ZDHHC23: variants seen among roughly 807,000 people sequenced by gnomAD.
ZDHHC23 encodes the protein palmitoyltransferase ZDHHC23.
A neutral mutation model predicts 40.2 loss-of-function variants in ZDHHC23; 41 were observed. The observed-to-expected ratio is 1.02, with a 90% CI of 0.79 to 1.32. ZDHHC23 has a LOEUF of 1.32. ZDHHC23 is among the 40% of genes most tolerant of loss of function. The pLI is 0.00. For synonymous variants in ZDHHC23, 204 were observed against 210.2 expected (o/e 0.97, Z 0.26); for missense variants, 471 against 541.5 (o/e 0.87, Z 1.29).
intron 3 of ZDHHC23, among the ~76,000 whole-genome samples, chr3:113,954,790 G>A (rs1044780700): frequency 3.9e-5 from 6 of 152,208 alleles, no homozygotes; most frequent in Middle Eastern, 3.4e-3. Flanking sequence ...TAAACATAAA[G>A]CTCAAGAAAG....
the ZDHHC23 span, chr3:113,978,344 A>G: frequency 6.2e-7 from 1 of 1,612,880 alleles, no homozygotes; most frequent in Admixed American, 1.7e-5. Context: ...GGGGATGAAG[A>G]CAGAAATAAA....
downstream of ZDHHC23, among the ~76,000 whole-genome samples, chr3:113,968,049 G>A (rs1404729725): frequency 1.3e-5 from 2 of 152,118 alleles, no homozygotes; most frequent in Non-Finnish European, 2.9e-5. Context: ...GGGTGCTCAG[G>A]TTGATTCCAT....
chr3:113,961,020 G>T lies in ZDHHC23; in HGVS notation c.*2390G>T. On this transcript the variant is annotated 3_prime_UTR_variant, in exon 5 of 5. Transcript: ENST00000638807. ...CCTTTTATGATCTGGAACTATTTGA[G>T]GGGTTTCATTATAGGCCTTGGTTCT... 2.7e-6 allele frequency: 1 copy of T among 374,272 alleles called. No homozygotes were observed. The highest frequency in any genetic ancestry group is 4.6e-5 in the East Asian group (1 of 21,814). 23.2% of individuals were successfully genotyped at this position (374,272 alleles called of 1,614,324 possible).
chr3:113,961,560 G>A lies in ZDHHC23; in HGVS notation c.*2930G>A, dbSNP rs913398948. On this transcript the variant is annotated 3_prime_UTR_variant, in exon 5 of 5. Transcript: ENST00000638807. ...TGATGCTGCTAAAGTAAAGCCTTAAGTGTGTTTTTGGGACAACGTGCTGCT... is the reference window on the plus strand; with the variant it reads ...TGATGCTGCTAAAGTAAAGCCTTAAATGTGTTTTTGGGACAACGTGCTGCT... 3 of 152,642 alleles carry A rather than the reference G, an allele frequency of 2.0e-5. No homozygotes were observed. The highest frequency in any genetic ancestry group is 4.4e-5 in the Non-Finnish European group (3 of 68,044). The allele number at this position is 152,642 out of a possible 1,614,324, so 9.5% of individuals were successfully genotyped here. A position where few individuals can be genotyped will look rare whatever the true frequency, so the allele number is the denominator to read the frequency against.
the ZDHHC23 span, among the ~76,000 whole-genome samples, chr3:113,972,914 C>T: frequency 2.0e-5 from 3 of 152,130 alleles, no homozygotes; most frequent in South Asian, 4.1e-4. Flanking sequence ...CTTGGAATGT[C>T]TTTTTCTATC....
chr3:113,951,218 C>T (rs1166841099), intron 2 of ZDHHC23, among the ~76,000 whole-genome samples: 3 of 152,136 alleles, frequency 2.0e-5, no homozygotes, highest in Non-Finnish European at 4.4e-5. Context: ...AGTGGGGTCT[C>T]TCTGTAGTGG....
downstream of ZDHHC23, among the ~76,000 whole-genome samples, chr3:113,965,853 C>A (rs923389953): frequency 6.6e-6 from 1 of 152,122 alleles, no homozygotes; most frequent in African/African-American, 2.4e-5. Context: ...CCTTGGCCTC[C>A]CAAAGTGCTG....
downstream of ZDHHC23, chr3:113,965,087 G>A: frequency 1.2e-6 from 1 of 846,964 alleles, no homozygotes; most frequent in Non-Finnish European, 1.8e-6. Flanking sequence ...GTATGTGTGT[G>A]GGTGGGTGGA....
rs1203965463 is a variant in ZDHHC23 at position 113,948,928 on chromosome 3, G to C, written c.126G>C (p.Leu42Phe). Residue 42 changes from leucine (L) to phenylalanine (F), a missense_variant, in exon 2 of 5, where the codon TTG (leucine) becomes TTC (phenylalanine). Leu to Phe is a conservative substitution (Grantham distance 22). Around this residue, in one of 3 missense-constraint regions of ZDHHC23, gnomAD observed 83 missense variants for 67.8 expected, o/e 1.22. Coordinates refer to ENST00000638807, the MANE Select transcript of ZDHHC23 (RefSeq NM_001320466.2). ...AAAAGAACCACGTGGCTACTTGTTT[G>C]TGTGATTGTCAAGATCTGGATGAAG... ...NGEKNHVATC[L>F]CDCQDLDEGC... The C allele has an allele frequency of 6.2e-7, 1 of 1,614,098 alleles. No homozygotes were observed. Among genetic ancestry groups the C allele is most frequent in the African/African-American group, 1.3e-5 (1 of 74,932 alleles).
chr3:113,971,575 T>C, the ZDHHC23 span, among the ~76,000 whole-genome samples: 4 of 152,216 alleles, frequency 2.6e-5, no homozygotes. Context: ...TTGAATTTGG[T>C]TTGCCGGTAT....
chr3:113,978,197 C>A, the ZDHHC23 span: 1 of 1,613,904 alleles, frequency 6.2e-7, no homozygotes, highest in Non-Finnish European at 8.5e-7. Context: ...TGTCACTGTG[C>A]TCCGCTGCAA....
intron 4 of ZDHHC23, 22 bp downstream of exon 4, chr3:113,956,528 A>G: frequency 6.3e-7 from 1 of 1,594,490 alleles, no homozygotes; most frequent in Admixed American, 1.8e-5. Flanking sequence ...GTACCACAGT[A>G]TGGAGGCCCC....
Position 113,958,457 on chromosome 3 carries a change from A to G in ZDHHC23, c.1135A>G (p.Asn379Asp). ...GATCCAGCTGATCAACATCAGCTAC[A>G]ATGTGACTGAGCGGGAAGTCCAGCA... The part of the protein sequence containing the change: ...FLIQLINISY[N>D]VTEREVQQAL... The change falls in exon 5 of 5, where the codon AAT becomes GAT. Residue 379 changes from asparagine to aspartate, a missense_variant. Asn to Asp is a conservative substitution (Grantham distance 23, BLOSUM62 1). Coordinates refer to ENST00000638807, the MANE Select transcript of ZDHHC23 (RefSeq NM_001320466.2). 1 of 1,614,156 alleles carries G rather than the reference A, an allele frequency of 6.2e-7. No homozygotes were observed. The highest frequency in any genetic ancestry group is 1.1e-5 in the South Asian group (1 of 91,080).
At position 113,956,350 on chromosome 3, in the gene ZDHHC23, G is replaced by A; in HGVS notation, c.884G>A (p.Cys295Tyr). The A allele has an allele frequency of 5.0e-6, 8 of 1,613,892 alleles. No individual in the cohort carries two copies. The highest frequency in any genetic ancestry group is 5.9e-6 in the Non-Finnish European group (7 of 1,179,976). Residue 295 changes from cysteine to tyrosine, a missense_variant, in exon 4 of 5, where the codon TGC becomes TAC. Around this residue, in one of 3 missense-constraint regions of ZDHHC23, gnomAD observed 346 missense variants for 399.8 expected, o/e 0.87. Coordinates refer to ENST00000638807, the MANE Select transcript of ZDHHC23 (RefSeq NM_001320466.2). ...TATGCTGTTTTGAGGATAAATAGCT[G>A]CGTTGGAGAATCAAATCATCAAGCA... Reference protein sequence around the residue: ...MDHHCVWINSCVGESNHQAFI... With the variant: ...MDHHCVWINSYVGESNHQAFI...
chr3:113,972,392 T>C, the ZDHHC23 span, among the ~76,000 whole-genome samples: 1 of 152,160 alleles, frequency 6.6e-6, no homozygotes, highest in Non-Finnish European at 1.5e-5. Flanking sequence ...GCTTCTGAAG[T>C]TCCTCTTACT....
At chr3:113,968,318 A>AGACATT (rs1228594571), downstream of ZDHHC23, among the ~76,000 whole-genome samples, 2 of 152,212 alleles carry the variant, frequency 1.3e-5, no homozygotes, top group Non-Finnish European at 2.9e-5. Context: ...CTTTGATAAA[A>AGACATT]GCCATTTTAC....
chr3:113,949,844 CTA>C lies in ZDHHC23; in HGVS notation c.161+883_161+884del, dbSNP rs538737380. Among the ~76,000 whole-genome samples the C allele has an allele frequency of 3.9e-5, 6 of 152,332 alleles. No individual in the cohort carries two copies. The East Asian group carries it at 1.2e-3, about 29-fold the overall frequency. ...GTCTGCAGTCTAGTACCAGCCTTGA[CTA>C]TTAAAAACCCAGTGAACCCTTTGTC... On this transcript the variant is annotated intron_variant, in intron 2 of 4. Transcript: ENST00000638807.
At position 113,960,982 on chromosome 3, in the gene ZDHHC23, T is replaced by C. The variant is rs1212328841; in HGVS notation, c.*2352T>C. 2 of 471,214 alleles carry C rather than the reference T, an allele frequency of 4.2e-6. No individual in the cohort carries two copies. Among genetic ancestry groups the C allele is most frequent in the East Asian group, 3.7e-5 (1 of 26,972 alleles). 29.2% of individuals were successfully genotyped at this position (471,214 alleles called of 1,614,324 possible). ...TAGGCTCTGTGACATCTTTGGTTTA[T>C]AGGATTTTGGAGCCTTTTATGATCT... On this transcript the variant is annotated 3_prime_UTR_variant, in exon 5 of 5. Coordinates refer to ENST00000638807, the MANE Select transcript of ZDHHC23 (RefSeq NM_001320466.2).
At chr3:113,957,914 T>A (rs1439579561) in intron 4 of ZDHHC23, 1 of 471,096 alleles carries the variant, frequency 2.1e-6, no homozygotes, top group East Asian at 5.5e-5. Flanking sequence ...AGCATTGGAC[T>A]GGAAAGAATG....
Sources: allele counts gnomAD v4.1 joint callset (sites outside exome capture counted in the v4.1 genomes callset), GRCh38; gene constraint gnomAD v4.1.1; regional missense constraint gnomAD v4.1.1; transcripts MANE v1.5; gene names NCBI Gene and HGNC (gene_info 2026-07-23, HGNC 2026-07-21).